CPA6: variants seen among roughly 807,000 people sequenced by gnomAD.
CPA6 encodes carboxypeptidase B.
In CPA6, 58 loss-of-function variants were observed where a neutral mutation model predicts 63.3. That is an observed-to-expected ratio of 0.92 (90% confidence interval 0.74 to 1.14). The LOEUF (loss-of-function observed/expected upper bound fraction) is 1.14, where lower values mean the gene tolerates loss of function less well. Ranked by LOEUF, CPA6 falls within the 50% of genes most tolerant of loss-of-function variation. The pLI is 0.00. For missense variants in CPA6, 565 were observed against 526.6 expected, an observed-to-expected ratio of 1.07 and a Z score of -0.71; for synonymous variants, 185 against 179.0, an observed-to-expected ratio of 1.03 and a Z score of -0.27.
chr8:67,500,921 T>C, intron 6 of CPA6, among the ~76,000 whole-genome samples: 1 of 152,110 alleles, frequency 6.6e-6, no homozygotes, highest in South Asian at 2.1e-4. Flanking sequence ...CATTTATCTA[T>C]GTCTATTCTT....
chr8:67,513,966 T>A (rs34272460), intron 3 of CPA6, among the ~76,000 whole-genome samples: 3,367 of 131,194 alleles, frequency 0.026, 45 homozygotes, highest in African/African-American at 0.028. Flanking sequence ...ACATAGAAAA[T>A]TTTTTTTTTT....
rs568876691 is a variant in CPA6 at position 67,746,145 on chromosome 8, G to C, written c.-16C>G. 28 of 1,594,690 alleles carry C rather than the reference G, an allele frequency of 1.8e-5. 1 individual carries two copies. The East Asian group carries it at 5.6e-4, about 32-fold the overall frequency. The stretch of plus-strand genomic sequence containing the variant: ...GACACTTCATAGTGTTAAGAAGAGA[G>C]GAGTTGAAAGTTACTTAAGCAGCCA... On this transcript the variant is annotated 5_prime_UTR_variant, in exon 1 of 11. Coordinates refer to ENST00000297770, the MANE Select transcript of CPA6 (RefSeq NM_020361.5).
intron 2 of CPA6, among the ~76,000 whole-genome samples, chr8:67,525,756 A>T (rs369164025): frequency 5.8e-4 from 88 of 152,338 alleles, no homozygotes; most frequent in African/African-American, 2.0e-3. Flanking sequence ...TCATTATCTT[A>T]AATGAAACAT....
chr8:67,636,182 C>G lies in CPA6; in HGVS notation c.117-11931G>C, dbSNP rs757364857. Among the ~76,000 whole-genome samples the G allele has an allele frequency of 7.9e-5, 12 of 151,526 alleles. No individual in the cohort carries two copies. The South Asian group carries it at 1.7e-3, about 21-fold the overall frequency. Reference sequence around the variant, plus strand: ...GATTCTCTCTCTTGTTGAATGTAAACAAGCAGATATGCAATTCTGCATGCC... The same window carrying G: ...GATTCTCTCTCTTGTTGAATGTAAAGAAGCAGATATGCAATTCTGCATGCC... On this transcript the variant is annotated intron_variant, in intron 1 of 10. Transcript: ENST00000297770.
chr8:67,533,715 C>T (rs1812525166), intron 2 of CPA6, among the ~76,000 whole-genome samples: 1 of 152,180 alleles, frequency 6.6e-6, no homozygotes, highest in Admixed American at 6.5e-5. Context: ...GGCAAACAAA[C>T]CTCTTTCAAT....
intron 2 of CPA6, among the ~76,000 whole-genome samples, chr8:67,527,305 C>A (rs74965932): frequency 0.017 from 2,595 of 152,216 alleles, 80 homozygotes; most frequent in African/African-American, 0.058. Context: ...GAAATGAAAA[C>A]CTGAATTACT....
intron 2 of CPA6, among the ~76,000 whole-genome samples, chr8:67,607,251 T>TCTTCTTCTCCTCCTCCTC (rs1554679725): frequency 8.6e-5 from 7 of 81,140 alleles, no homozygotes; most frequent in Non-Finnish European, 9.3e-5. Context: ...TTCTTCTTCT[T>TCTTCTTCTCCTCCTCCTC]CTCCTCCTCC....
intron 8 of CPA6, among the ~76,000 whole-genome samples, chr8:67,457,649 A>G (rs2128956633): frequency 6.6e-6 from 1 of 152,180 alleles, no homozygotes; most frequent in South Asian, 2.1e-4. Flanking sequence ...TCTTGCTGTC[A>G]GAGCACTTTT....
intron 6 of CPA6, among the ~76,000 whole-genome samples, chr8:67,503,236 A>G (rs1247694231): frequency 6.6e-6 from 1 of 151,450 alleles, no homozygotes; most frequent in Non-Finnish European, 1.5e-5. Context: ...ACAGGGTTTT[A>G]CCATGTTGGC....
At position 67,635,067 on chromosome 8, in the gene CPA6, T is replaced by A. The variant is rs1046914624; in HGVS notation, c.117-10816A>T. On this transcript the variant is annotated intron_variant, in intron 1 of 10. Transcript: ENST00000297770. ...ATGCCCTGCTATTTTTTAAAAAAAA[T>A]TTTGTAGACAGGGTCTTGTTATGTT... is the stretch of plus-strand genomic sequence containing the variant. 9.9e-5 allele frequency among the ~76,000 whole-genome samples: 15 copies of A among 151,370 alleles called. 1 individual carries two copies. Among genetic ancestry groups the A allele is most frequent in the Admixed American group, 4.6e-4 (7 of 15,256 alleles).
chr8:67,503,243 T>C (rs1015269831), intron 6 of CPA6, among the ~76,000 whole-genome samples: 1 of 152,016 alleles, frequency 6.6e-6, no homozygotes, highest in Non-Finnish European at 1.5e-5. Flanking sequence ...TTTACCATGT[T>C]GGCCAGGCTG....
chr8:67,488,387 C>A (rs942073516), intron 6 of CPA6, among the ~76,000 whole-genome samples: 1 of 152,096 alleles, frequency 6.6e-6, no homozygotes, highest in African/African-American at 2.4e-5. Context: ...ATTTCTGAGG[C>A]CCCTGTTCTG....
chr8:67,514,102 C>T (rs1302708785), intron 3 of CPA6, among the ~76,000 whole-genome samples: 2 of 151,970 alleles, frequency 1.3e-5, no homozygotes, highest in African/African-American at 4.8e-5. Flanking sequence ...GGATTACAGC[C>T]ACGCACCAAC....
At chr8:67,559,456 C>T (rs537516768) in intron 2 of CPA6, among the ~76,000 whole-genome samples, 1 of 152,208 alleles carries the variant, frequency 6.6e-6, no homozygotes, top group South Asian at 2.1e-4. Flanking sequence ...CCACACACCC[C>T]TGCACTATCC....
intron 6 of CPA6, among the ~76,000 whole-genome samples, chr8:67,502,633 T>G (rs1172344452): frequency 1.3e-5 from 2 of 152,214 alleles, no homozygotes; most frequent in Non-Finnish European, 2.9e-5. Context: ...CATTTCCCTC[T>G]CAGCACTGCT....
intron 1 of CPA6, among the ~76,000 whole-genome samples, chr8:67,728,200 TA>T (rs1279980491): frequency 1.3e-5 from 2 of 151,982 alleles, no homozygotes; most frequent in African/African-American, 4.8e-5. Flanking sequence ...TTAATTCCCC[TA>T]AAAGTCATTT....
intron 8 of CPA6, among the ~76,000 whole-genome samples, chr8:67,446,193 G>C (rs1322362501): frequency 6.6e-6 from 1 of 151,788 alleles, no homozygotes; most frequent in Non-Finnish European, 1.5e-5. Flanking sequence ...TTGAACCCGG[G>C]AGGCAGAGCT....
At chr8:67,638,423 A>G (rs1259794205) in intron 1 of CPA6, among the ~76,000 whole-genome samples, 3 of 151,450 alleles carry the variant, frequency 2.0e-5, no homozygotes, top group African/African-American at 7.4e-5. Flanking sequence ...GTAAAATTTA[A>G]ATTGATATGG....
At chr8:67,651,824 G>A (rs1313360852) in intron 1 of CPA6, among the ~76,000 whole-genome samples, 2 of 152,042 alleles carry the variant, frequency 1.3e-5, no homozygotes, top group African/African-American at 2.4e-5. Flanking sequence ...CATGCGCCAT[G>A]TTGGTGTGCT....
Sources: gnomAD v4.1 joint callset for allele counts (sites outside exome capture counted in the v4.1 genomes callset) on GRCh38, gnomAD v4.1.1 for gene constraint, MANE v1.5 for transcripts, NCBI Gene and HGNC (gene_info 2026-07-23, HGNC 2026-07-21) for gene names.